ELAVL3: variants seen among roughly 807,000 people sequenced by gnomAD.
ELAVL3 encodes ELAV like RNA binding protein 3, also known as ELAV-like protein 3.
Under a neutral mutation model 34.2 loss-of-function variants are expected in ELAVL3, and 8 were observed. The ratio of observed to expected loss-of-function variants is 0.23; its 90% CI spans 0.14 to 0.42. The LOEUF is 0.42. Ranked by LOEUF, ELAVL3 falls within the 10% of genes least tolerant of loss-of-function variation. The pLI is 1.00. For synonymous variants in ELAVL3, 209 were observed against 222.1 expected (o/e 0.94, Z 0.53); for missense variants, 273 against 518.8 (o/e 0.53, Z 4.60).
intron 1 of ELAVL3, among the ~76,000 whole-genome samples, chr19:11,467,444 C>T (rs1027504922): frequency 6.6e-6 from 1 of 151,414 alleles, no homozygotes; most frequent in African/African-American, 2.4e-5. Context: ...AAAATAAATG[C>T]TTTCGCTCTC....
chr19:11,461,439 T>G (rs1230415913), intron 3 of ELAVL3, among the ~76,000 whole-genome samples: 1 of 151,808 alleles, frequency 6.6e-6, no homozygotes, highest in Non-Finnish European at 1.5e-5. Context: ...CCCTTATGTC[T>G]GCTGTATCTA....
At chr19:11,464,967 GAC>G (rs1191791763) in intron 3 of ELAVL3, among the ~76,000 whole-genome samples, 4 of 49,814 alleles carry the variant, frequency 8.0e-5, no homozygotes, top group Admixed American at 2.8e-4. Flanking sequence ...ACACGCACCA[GAC>G]ACACACATAC....
chr19:11,478,456 G>C (rs944661883), intron 1 of ELAVL3, among the ~76,000 whole-genome samples: 1 of 152,170 alleles, frequency 6.6e-6, no homozygotes, highest in Non-Finnish European at 1.5e-5. Flanking sequence ...GCCTGGGATG[G>C]TGGCTACATG....
chr19:11,479,730 T>C (rs1971336402), intron 1 of ELAVL3, among the ~76,000 whole-genome samples: 1 of 150,686 alleles, frequency 6.6e-6, no homozygotes, highest in Non-Finnish European at 1.5e-5. Flanking sequence ...GCTCGGGAGC[T>C]GACCAGCTCC....
At chr19:11,460,062 C>CAT (rs1970851747) in intron 3 of ELAVL3, among the ~76,000 whole-genome samples, 1 of 152,082 alleles carries the variant, frequency 6.6e-6, no homozygotes, top group Non-Finnish European at 1.5e-5. Flanking sequence ...AAGGGCACTT[C>CAT]ATACACAGCA....
intron 1 of ELAVL3, among the ~76,000 whole-genome samples, chr19:11,474,728 T>C (rs1257566867): frequency 6.6e-6 from 1 of 152,226 alleles, no homozygotes; most frequent in Non-Finnish European, 1.5e-5. Context: ...CGTAGTGCAC[T>C]GCAGCCTCCA....
At chr19:11,474,995 ATT>A (rs1170335313) in intron 1 of ELAVL3, among the ~76,000 whole-genome samples, 4 of 151,914 alleles carry the variant, frequency 2.6e-5, no homozygotes, top group African/African-American at 9.7e-5. Context: ...CGCCTGGCTA[ATT>A]TTTTGTATTT....
chr19:11,472,720 A>G (rs1971188462), intron 1 of ELAVL3, among the ~76,000 whole-genome samples: 1 of 151,656 alleles, frequency 6.6e-6, no homozygotes, highest in Non-Finnish European at 1.5e-5. Flanking sequence ...AAAAAGAAGA[A>G]GAAGAAGAAG....
chr19:11,457,279 C>T lies in ELAVL3; in HGVS notation c.714-131G>A, dbSNP rs148121512. ...GCCCTGCCCCCGCCTGCCTGCTCCCCGCCCGCCCGGCTAGACACTGCCTGG... is the reference window on the plus strand; with the variant it reads ...GCCCTGCCCCCGCCTGCCTGCTCCCTGCCCGCCCGGCTAGACACTGCCTGG... On this transcript the variant is annotated intron_variant, in intron 5 of 6. Coordinates refer to ENST00000359227, the MANE Select transcript of ELAVL3 (RefSeq NM_001420.4). 2,946 of 1,008,158 alleles carry T rather than the reference C, an allele frequency of 2.9e-3. 24 individuals carry two copies. Among genetic ancestry groups the T allele is most frequent in the South Asian group, 0.013 (794 of 58,816 alleles). The allele number at this position is 1,008,158 out of a possible 1,614,324, so 62.5% of individuals were successfully genotyped here.
In ELAVL3 at chr19:11,480,476, C is replaced by G. The variant is rs1046212042; in HGVS notation, c.9+124G>C. The stretch of plus-strand genomic sequence containing the variant: ...CTCAGGCCCCGAGGCTTGGTCCTAC[C>G]CCCCCAACCCGGGCCTAGCTAGGCC... On this transcript the variant is annotated intron_variant, in intron 1 of 6. Transcript: ENST00000359227. The surrounding 1 kb of genome is among the most constrained non-coding windows in gnomAD (Gnocchi z 6.8). 8 of 1,159,370 alleles carry G rather than the reference C, an allele frequency of 6.9e-6. No individual in the cohort carries two copies. The South Asian group carries it at 1.7e-4, about 25-fold the overall frequency. The allele number at this position is 1,159,370 out of a possible 1,614,324, so 71.8% of individuals were successfully genotyped here. A position where few individuals can be genotyped will look rare whatever the true frequency, so the allele number is the denominator to read the frequency against.
At chr19:11,474,675 A>C (rs1971230570) in intron 1 of ELAVL3, among the ~76,000 whole-genome samples, 1 of 151,920 alleles carries the variant, frequency 6.6e-6, no homozygotes, top group African/African-American at 2.4e-5. Flanking sequence ...GGGTCTCTCT[A>C]TGTTGTCCAG....
At chr19:11,472,356 A>G (rs62131156) in intron 1 of ELAVL3, among the ~76,000 whole-genome samples, 7,175 of 151,908 alleles carry the variant, frequency 0.047, 236 homozygotes, top group Non-Finnish European at 0.073. Flanking sequence ...AAACAAACAC[A>G]CATACTGATT....
At chr19:11,478,787 ACCT>A (rs1971311920) in intron 1 of ELAVL3, among the ~76,000 whole-genome samples, 2 of 150,068 alleles carry the variant, frequency 1.3e-5, no homozygotes, top group African/African-American at 2.5e-5. Flanking sequence ...TTTTCTTAAA[ACCT>A]CCTGTGTCTG....
intron 1 of ELAVL3, among the ~76,000 whole-genome samples, chr19:11,474,167 G>A (rs1426213377): frequency 3.3e-5 from 5 of 152,018 alleles, no homozygotes; most frequent in Non-Finnish European, 7.4e-5. Flanking sequence ...TGAGAAGCTG[G>A]GACTACAGGC....
chr19:11,476,117 G>A (rs1434951488), intron 1 of ELAVL3, among the ~76,000 whole-genome samples: 2 of 152,164 alleles, frequency 1.3e-5, no homozygotes, highest in Admixed American at 6.5e-5. Flanking sequence ...CTGCATTCCC[G>A]TCTCCTAACA....
chr19:11,469,069 G>A (rs1599545066), intron 1 of ELAVL3, among the ~76,000 whole-genome samples: 3 of 151,892 alleles, frequency 2.0e-5, no homozygotes, highest in African/African-American at 2.4e-5. Flanking sequence ...ACAGGTATGC[G>A]CCTCCAAGCC....
chr19:11,464,876 TAC>T (rs1173512668), intron 3 of ELAVL3, among the ~76,000 whole-genome samples: 1 of 49,638 alleles, frequency 2.0e-5, no homozygotes, highest in Non-Finnish European at 3.9e-5. Flanking sequence ...CACACACACA[TAC>T]ACACATACAC....
At chr19:11,459,413 G>A (rs1046361611) in intron 3 of ELAVL3, among the ~76,000 whole-genome samples, 1 of 151,832 alleles carries the variant, frequency 6.6e-6, no homozygotes, top group Non-Finnish European at 1.5e-5. Context: ...GATTACAGGC[G>A]TGAGCCACCG....
At chr19:11,475,013 A>C (rs893669227) in intron 1 of ELAVL3, among the ~76,000 whole-genome samples, 128 of 152,200 alleles carry the variant, frequency 8.4e-4, no homozygotes, top group African/African-American at 2.7e-3. Context: ...TATTTTTAGT[A>C]GAGATGGGGT....
Sources: gnomAD v4.1 joint callset for allele counts (sites outside exome capture counted in the v4.1 genomes callset) on GRCh38, gnomAD v4.1.1 for gene constraint, Gnocchi (gnomAD v3.1) non-coding constraint, MANE v1.5 for transcripts, NCBI Gene and HGNC (gene_info 2026-07-23, HGNC 2026-07-21) for gene names.